The following MASP2 variants were observed in gnomAD, a reference collection of about 807,000 sequenced individuals.
The protein encoded by MASP2 is mannan-binding lectin serine protease 2.
MASP2 carries 49 observed loss-of-function variants against 57.1 expected under a neutral mutation model. The ratio of observed to expected loss-of-function variants is 0.86; its 90% CI spans 0.68 to 1.09. The LOEUF (loss-of-function observed/expected upper bound fraction) is 1.09, where lower values mean the gene tolerates loss of function less well. Ranked by LOEUF, MASP2 falls within the 50% of genes least tolerant of loss-of-function variation. The probability of loss-of-function intolerance (pLI) is 0.00; values close to 1 mark genes in which losing one functional copy is unlikely to be tolerated. For synonymous variants in MASP2, 379 were observed against 340.8 expected (o/e 1.11, Z -1.24); for missense variants, 900 against 874.8 (o/e 1.03, Z -0.36).
chr1:11,044,789 G>T, intron 4 of MASP2: 6 of 1,338,858 alleles, frequency 4.5e-6, no homozygotes, highest in Non-Finnish European at 5.0e-6. Context: ...AGAGACACGT[G>T]GCAGCAGGTG....
chr1:11,027,063 C>A lies in MASP2; in HGVS notation c.1883G>T (p.Ser628Ile). ...TGCCCCTCCGCTGTCACCTCTGCAGCTGTCCTTGCCCCCACTTTCTAAGCC... is the reference window on the plus strand; with the variant it reads ...TGCCCCTCCGCTGTCACCTCTGCAGATGTCCTTGCCCCCACTTTCTAAGCC... ...CAGLESGGKD[S>I]CRGDSGGALV... Residue 628 changes from serine to isoleucine, a missense_variant, in exon 11 of 11, where the codon AGC (serine) becomes ATC (isoleucine). By Grantham distance (142) the Ser-to-Ile change is moderately radical. Coordinates refer to ENST00000400897, the MANE Select transcript of MASP2 (RefSeq NM_006610.4). 6.3e-7 allele frequency: 1 copy of A among 1,592,344 alleles called. No individual in the cohort carries two copies. The highest frequency in any genetic ancestry group is 8.6e-7 in the Non-Finnish European group (1 of 1,169,460).
In MASP2 at chr1:11,030,837, T is replaced by C. The variant is rs764639757; in HGVS notation, c.1133A>G (p.Glu378Gly). The C allele has an allele frequency of 2.5e-6, 4 of 1,613,826 alleles. No homozygotes were observed. Among genetic ancestry groups the C allele is most frequent in the South Asian group, 2.2e-5 (2 of 91,072 alleles). Reference sequence around the variant, plus strand: ...GGTCACTCCAGGACCTGTGATGTACTCCACTCGGCCACTGGGTAGATCATC... The same window carrying C: ...GGTCACTCCAGGACCTGTGATGTACCCCACTCGGCCACTGGGTAGATCATC... ...PPDDLPSGRV[E>G]YITGPGVTTY... Residue 378 changes from glutamate (E) to glycine (G), a missense_variant, in exon 9 of 11, where the codon GAG becomes GGG. Glu to Gly is a moderately conservative substitution (Grantham distance 98). Coordinates refer to ENST00000400897, the MANE Select transcript of MASP2 (RefSeq NM_006610.4).
chr1:11,026,594 A>G lies in MASP2; in HGVS notation c.*291T>C, dbSNP rs1643735602. 4.0e-6 allele frequency: 1 copy of G among 248,354 alleles called. No homozygotes were observed. Among genetic ancestry groups the G allele is most frequent in the Non-Finnish European group, 7.6e-6 (1 of 131,640 alleles). The allele number at this position is 248,354 out of a possible 1,614,324, so 15.4% of individuals were successfully genotyped here. A position where few individuals can be genotyped will look rare whatever the true frequency, so the allele number is the denominator to read the frequency against. On this transcript the variant is annotated 3_prime_UTR_variant, in exon 11 of 11. Coordinates refer to ENST00000400897, the MANE Select transcript of MASP2 (RefSeq NM_006610.4). ...CAGAAATGCCAACAGCCAGTATGAA[A>G]AGAGACTGGCTTTTTAAGGTAATGA...
In MASP2 at chr1:11,040,487, G is replaced by T. The variant is rs1001507648; in HGVS notation, c.889+2388C>A. Among the ~76,000 whole-genome samples, 4 of 144,268 alleles carry T rather than the reference G, an allele frequency of 2.8e-5. No homozygotes were observed. The Admixed American group carries it at 2.8e-4, about 10-fold the overall frequency. 94.6% of individuals were successfully genotyped at this position (144,268 alleles called of 152,430 possible). A position where few individuals can be genotyped will look rare whatever the true frequency, so the allele number is the denominator to read the frequency against. On this transcript the variant is annotated intron_variant, in intron 6 of 10. Coordinates refer to ENST00000400897, the MANE Select transcript of MASP2 (RefSeq NM_006610.4). ...GTCTAAAAAAAAAAAAAAAAAAACG[G>T]ATGGATGGATAGGGTGGGTGGGTGA...
intron 6 of MASP2, among the ~76,000 whole-genome samples, chr1:11,041,952 G>A (rs1298794298): frequency 6.6e-6 from 1 of 150,878 alleles, no homozygotes; most frequent in Non-Finnish European, 1.5e-5. Context: ...ATAAGTGGAT[G>A]GATAGGTGGA....
At chr1:11,047,176 G>T in intron 1 of MASP2, 27 bp downstream of exon 1, 2 of 1,559,110 alleles carry the variant, frequency 1.3e-6, no homozygotes, top group African/African-American at 1.4e-5. Flanking sequence ...CCCACACCCT[G>T]CAGGGAGGCT....
At chr1:11,034,962 C>A in intron 7 of MASP2, 56 bp from the exon 8 acceptor site, 1 of 1,278,044 alleles carries the variant, frequency 7.8e-7, no homozygotes. Context: ...AAATCACTCC[C>A]CAAAGCTGTG....
rs185527946 is a variant in MASP2, at chr1:11,044,924, G to A, written c.544+484C>T. 5.3e-3 allele frequency: 8,588 copies of A among 1,606,152 alleles called. 44 individuals carry two copies. The highest frequency in any genetic ancestry group is 6.4e-3 in the Non-Finnish European group (7,547 of 1,178,176). ...TGGCTTCTGACCTGCTGGGCAGGCCGGAGCTCCAGGGGAGGCTAGAGGCTC... is the reference window on the plus strand; with the variant it reads ...TGGCTTCTGACCTGCTGGGCAGGCCAGAGCTCCAGGGGAGGCTAGAGGCTC... On this transcript the variant is annotated intron_variant, in intron 4 of 10. Transcript: ENST00000400897.
intron 8 of MASP2, among the ~76,000 whole-genome samples, chr1:11,033,982 C>G (rs1330291394): frequency 6.7e-6 from 1 of 149,546 alleles, no homozygotes; most frequent in South Asian, 2.1e-4. Context: ...CTCTCTCTCT[C>G]TCTCACACAC....
rs1638516241 is a variant in MASP2 at position 11,043,266 on chromosome 1, C to T, written c.741+73G>A. On this transcript the variant is annotated intron_variant, in intron 5 of 10. Transcript: ENST00000400897. ...TGACGGGAACGTGGTGGGGGCCATG[C>T]TGCAGGAAGTAGGGGGTGCAGCTGG... The T allele has an allele frequency of 2.2e-6, 3 of 1,350,034 alleles. No homozygotes were observed. The South Asian group carries it at 4.1e-5, about 18-fold the overall frequency. 83.6% of individuals were successfully genotyped at this position (1,350,034 alleles called of 1,614,324 possible).
Position 11,044,846 on chromosome 1 carries a change from T to A in MASP2, c.544+562A>T. ...TGGGTCCATGGTGGGTGAATGGGAG[T>A]TGGGGCACAGCCATCTCAGCCCAAC... On this transcript the variant is annotated intron_variant, in intron 4 of 10. Transcript: ENST00000400897. 2.0e-6 allele frequency: 3 copies of A among 1,518,310 alleles called. No homozygotes were observed. The South Asian group carries it at 3.6e-5, about 18-fold the overall frequency. 94.1% of individuals were successfully genotyped at this position (1,518,310 alleles called of 1,614,324 possible). A position where few individuals can be genotyped will look rare whatever the true frequency, so the allele number is the denominator to read the frequency against.
chr1:11,044,882 G>A, intron 4 of MASP2: 1 of 1,583,372 alleles, frequency 6.3e-7, no homozygotes, highest in Non-Finnish European at 8.6e-7. Flanking sequence ...CCGGAGCTGA[G>A]GCCAGCAGGC....
chr1:11,026,691 TG>T lies in MASP2; in HGVS notation c.*193del. The T allele has an allele frequency of 2.4e-6, 1 of 424,678 alleles. No individual in the cohort carries two copies. The highest frequency in any genetic ancestry group is 4.1e-6 in the Non-Finnish European group (1 of 244,868). The allele number at this position is 424,678 out of a possible 1,614,324, so 26.3% of individuals were successfully genotyped here. A position where few individuals can be genotyped will look rare whatever the true frequency, so the allele number is the denominator to read the frequency against. On this transcript the variant is annotated 3_prime_UTR_variant, in exon 11 of 11. Transcript: ENST00000400897. ...GTCACTCTCGTGGTTTATGTCCCCT[TG>T]AGTCAATGGGTAAGGCTGGAATTAA...
At position 11,045,469 on chromosome 1, in the gene MASP2, G is replaced by A. The variant is rs759730594; in HGVS notation, c.483C>T (p.Gly161=). ...CTGCGCGGCAGGAGCAGTAGAAACC[G>A]CCCAGGTGGTTGTGGCAGTGGTGGT... The part of the protein sequence containing the change: ...TCDHHCHNHL[G]GFYCSCRAGY... The change falls in exon 4 of 11, where the codon GGC becomes GGT. Residue 161 remains glycine (G), a synonymous_variant. Transcript: ENST00000400897. 5 of 1,613,080 alleles carry A rather than the reference G, an allele frequency of 3.1e-6. No individual in the cohort carries two copies. In the South Asian group the frequency reaches 4.4e-5, roughly 14 times the overall value.
chr1:11,033,959 ACACACACTCT>A (rs774959299), intron 8 of MASP2, among the ~76,000 whole-genome samples: 6,178 of 28,390 alleles, frequency 0.22, 169 homozygotes, highest in East Asian at 0.33. Flanking sequence ...ACACACACAC[ACACACACTCT>A]CTCTCTCTCT....
rs984854039 is a variant in MASP2, at chr1:11,039,116, T to C, written c.890-1305A>G. Among the ~76,000 whole-genome samples the C allele has an allele frequency of 1.3e-5, 2 of 151,972 alleles. 1 individual carries two copies. The highest frequency in any genetic ancestry group is 1.3e-4 in the Admixed American group (2 of 15,282). On this transcript the variant is annotated intron_variant, in intron 6 of 10. Transcript: ENST00000400897. Reference sequence around the variant, plus strand: ...TCAGCATTTCCTATTCAAGGATAGCTTCCTAGCTCCTAGCCCCTGTCTGGT... The same window carrying C: ...TCAGCATTTCCTATTCAAGGATAGCCTCCTAGCTCCTAGCCCCTGTCTGGT...
chr1:11,036,457 T>C (rs1638232414), intron 7 of MASP2, among the ~76,000 whole-genome samples: 1 of 131,382 alleles, frequency 7.6e-6, no homozygotes, highest in African/African-American at 2.8e-5. Flanking sequence ...TGAGCCGAGA[T>C]TGCGCCACTG....
intron 3 of MASP2, chr1:11,046,170 G>A (rs111646202): frequency 0.068 from 21,662 of 317,628 alleles, 4,155 homozygotes; most frequent in African/African-American, 0.42. Context: ...GCACCACCAC[G>A]CCCAGCTAAT....
intron 6 of MASP2, among the ~76,000 whole-genome samples, chr1:11,041,141 G>GGA (rs1638418029): frequency 1.3e-5 from 2 of 149,092 alleles, no homozygotes; most frequent in East Asian, 2.0e-4. Context: ...ATGGAAGGAT[G>GGA]TGTTGGTAGA....
Sources: allele counts gnomAD v4.1 joint callset (sites outside exome capture counted in the v4.1 genomes callset), GRCh38; gene constraint gnomAD v4.1.1; transcripts MANE v1.5; gene names NCBI Gene and HGNC (gene_info 2026-07-23, HGNC 2026-07-21).